The following ZBTB7C variants were observed in gnomAD, a reference collection of about 807,000 sequenced individuals.
ZBTB7C encodes the protein zinc finger and BTB domain containing 7C.
In ZBTB7C, 8 loss-of-function variants were observed where a neutral mutation model predicts 25.7. That is an observed-to-expected ratio of 0.31 (90% CI 0.18 to 0.56). ZBTB7C has a LOEUF of 0.56. ZBTB7C is among the 20% of genes least tolerant of loss of function. The pLI, the probability that ZBTB7C is intolerant of heterozygous loss-of-function variation, is 0.91. For missense variants in ZBTB7C, 824 were observed against 855.2 expected, an observed-to-expected ratio of 0.96 and a Z score of 0.46; for synonymous variants, 394 against 369.0, an observed-to-expected ratio of 1.07 and a Z score of -0.78.
At chr18:48,262,342 C>G (rs940729783) in intron 2 of ZBTB7C, among the ~76,000 whole-genome samples, 1 of 152,156 alleles carries the variant, frequency 6.6e-6, no homozygotes, top group African/African-American at 2.4e-5. Context: ...CATAACCAAG[C>G]AACAGGGGTA....
chr18:48,222,341 T>C (rs1258767047), intron 2 of ZBTB7C, among the ~76,000 whole-genome samples: 1 of 152,220 alleles, frequency 6.6e-6, no homozygotes, highest in East Asian at 1.9e-4. Context: ...CTGCATGATC[T>C]TGGAGCTCAG....
At chr18:48,355,270 G>T (rs2046951625) in intron 1 of ZBTB7C, among the ~76,000 whole-genome samples, 1 of 152,218 alleles carries the variant, frequency 6.6e-6, no homozygotes, top group African/African-American at 2.4e-5. Flanking sequence ...CTGGAGGGCA[G>T]TAATGGGGGA....
chr18:48,406,884 G>A (rs186350577), intron 1 of ZBTB7C, among the ~76,000 whole-genome samples: 1 of 152,232 alleles, frequency 6.6e-6, no homozygotes, highest in Non-Finnish European at 1.5e-5. Flanking sequence ...TGGTTTTGGA[G>A]GAAAAAGTTC....
chr18:48,111,712 T>C (rs6507808), intron 3 of ZBTB7C, among the ~76,000 whole-genome samples: 12,046 of 152,222 alleles, frequency 0.079, 1,419 homozygotes, highest in African/African-American at 0.26. Flanking sequence ...TGGACGGGTG[T>C]CTGCACTCAC....
At chr18:48,360,967 C>T (rs955396018) in intron 1 of ZBTB7C, among the ~76,000 whole-genome samples, 6 of 151,914 alleles carry the variant, frequency 3.9e-5, no homozygotes, top group African/African-American at 1.2e-4. Flanking sequence ...TTTGTTTTTC[C>T]TGGGGGTATG....
chr18:48,247,700 CAT>C (rs2043734127), intron 2 of ZBTB7C, among the ~76,000 whole-genome samples: 1 of 152,236 alleles, frequency 6.6e-6, no homozygotes, highest in Non-Finnish European at 1.5e-5. Flanking sequence ...ATAATCCCCA[CAT>C]GTCAAGGGAG....
chr18:48,158,490 C>A (rs1363083527), intron 3 of ZBTB7C, among the ~76,000 whole-genome samples: 1 of 151,842 alleles, frequency 6.6e-6, no homozygotes, highest in Non-Finnish European at 1.5e-5. Flanking sequence ...CCTTAATGTT[C>A]TCCTCAGCAA....
intron 2 of ZBTB7C, among the ~76,000 whole-genome samples, chr18:48,233,372 T>C (rs1403649946): frequency 6.6e-6 from 1 of 152,212 alleles, no homozygotes; most frequent in Non-Finnish European, 1.5e-5. Flanking sequence ...ATGTATCCAG[T>C]CTCTGGTATT....
At chr18:48,338,968 C>T (rs1200411324) in intron 1 of ZBTB7C, among the ~76,000 whole-genome samples, 1 of 151,146 alleles carries the variant, frequency 6.6e-6, no homozygotes, top group Non-Finnish European at 1.5e-5. Flanking sequence ...AACATCTTTT[C>T]ATAGTTCGTC....
intron 2 of ZBTB7C, among the ~76,000 whole-genome samples, chr18:48,273,136 G>A (rs962446630): frequency 9.2e-5 from 14 of 152,190 alleles, no homozygotes; most frequent in East Asian, 7.7e-4. Flanking sequence ...TTAAAAGTGC[G>A]AAATTTATGG....
chr18:48,053,410 G>C (rs2036776080), intron 3 of ZBTB7C, among the ~76,000 whole-genome samples: 2 of 152,218 alleles, frequency 1.3e-5, no homozygotes, highest in African/African-American at 4.8e-5. Context: ...CCAATTCTGA[G>C]ATTCCTTCAC....
chr18:48,339,242 G>C lies in ZBTB7C; in HGVS notation c.-303-844C>G, dbSNP rs559967140. Among the ~76,000 whole-genome samples, 6 of 152,352 alleles carry C rather than the reference G, an allele frequency of 3.9e-5. No homozygotes were observed. In the East Asian group the frequency reaches 9.6e-4, roughly 25 times the overall value. On this transcript the variant is annotated intron_variant, in intron 1 of 4. Transcript: ENST00000590800. ...GGGGTGAAAAGAGTAGGCTCCTGGG[G>C]TACCCACCTGGCTGTGACTCTCAGC...
chr18:48,246,763 C>T (rs1273557314), intron 2 of ZBTB7C, among the ~76,000 whole-genome samples: 2 of 151,906 alleles, frequency 1.3e-5, no homozygotes, highest in South Asian at 2.1e-4. Context: ...GTGATGCTGG[C>T]GAAATCATCA....
At chr18:48,360,376 G>T (rs532916275) in intron 1 of ZBTB7C, among the ~76,000 whole-genome samples, 1 of 152,218 alleles carries the variant, frequency 6.6e-6, no homozygotes, top group Non-Finnish European at 1.5e-5. Flanking sequence ...ATATGAGGTT[G>T]GGATGGTGGT....
At chr18:48,067,102 C>CA (rs199578766) in intron 3 of ZBTB7C, among the ~76,000 whole-genome samples, 465 of 147,988 alleles carry the variant, frequency 3.1e-3, no homozygotes, top group African/African-American at 0.011. Context: ...TCTCCATCTC[C>CA]AAAAAAACAA....
At chr18:48,315,881 G>A (rs916139673) in intron 2 of ZBTB7C, among the ~76,000 whole-genome samples, 2 of 152,170 alleles carry the variant, frequency 1.3e-5, no homozygotes, top group African/African-American at 4.8e-5. Context: ...AGGCCATGGA[G>A]AGGCCCTGTG....
intron 1 of ZBTB7C, among the ~76,000 whole-genome samples, chr18:48,403,528 T>G (rs1469375518): frequency 6.6e-6 from 1 of 152,202 alleles, no homozygotes; most frequent in African/African-American, 2.4e-5. Context: ...AGCAGAACAG[T>G]GCCTAGCACA....
At chr18:48,284,853 T>C (rs1457526860) in intron 2 of ZBTB7C, among the ~76,000 whole-genome samples, 1 of 148,286 alleles carries the variant, frequency 6.7e-6, no homozygotes, top group Non-Finnish European at 1.5e-5. Flanking sequence ...ATCCCCAGCC[T>C]CCTTTGGTTT....
At chr18:48,202,870 G>T (rs1320816357) in intron 2 of ZBTB7C, among the ~76,000 whole-genome samples, 1 of 150,498 alleles carries the variant, frequency 6.6e-6, no homozygotes, top group Non-Finnish European at 1.5e-5. Context: ...CCTGGGCAGA[G>T]GAAGGGCTCA....
Sources: allele counts gnomAD v4.1 joint callset (sites outside exome capture counted in the v4.1 genomes callset), GRCh38; gene constraint gnomAD v4.1.1; transcripts MANE v1.5; gene names NCBI Gene and HGNC (gene_info 2026-07-23, HGNC 2026-07-21).